Variants in CENPI observed in about 807,000 individuals in gnomAD.
The protein encoded by CENPI is FSH primary response 1.
A neutral mutation model predicts 60.4 loss-of-function variants in CENPI; 4 were observed. The observed-to-expected ratio is 0.07, with a 90% CI of 0.03 to 0.15. CENPI has a LOEUF of 0.15. Ranked by LOEUF, CENPI falls within the 10% of genes least tolerant of loss-of-function variation. The probability of loss-of-function intolerance (pLI) is 1.00; values close to 1 mark genes in which losing one functional copy is unlikely to be tolerated. For missense variants in CENPI, 444 were observed against 534.5 expected, an observed-to-expected ratio of 0.83 and a Z score of 1.67; for synonymous variants, 157 against 189.4, an observed-to-expected ratio of 0.83 and a Z score of 1.40.
downstream of CENPI, among the ~76,000 whole-genome samples, chrX:101,168,775 A>G (rs775350614): frequency 1.8e-5 from 2 of 111,981 alleles, no homozygotes; most frequent in South Asian, 7.5e-4. Flanking sequence ...GGATTAGTCT[A>G]GCCACATCAC....
intron 5 of CENPI, 68 bp from the exon 6 acceptor site, chrX:101,109,823 G>A (rs1026309218): frequency 3.9e-6 from 3 of 763,244 alleles, no homozygotes; most frequent in Non-Finnish European, 5.9e-6. Context: ...CGGGGGACGG[G>A]GGGCGGAATT....
At chrX:101,171,921 C>CA in the CENPI span, among the ~76,000 whole-genome samples, 59 of 111,605 alleles carry the variant, frequency 5.3e-4, no homozygotes, top group Non-Finnish European at 8.7e-4. Context: ...GAAATATTTG[C>CA]AAATCATACC....
At chrX:101,099,381 T>C (rs910568448) in intron 2 of CENPI, among the ~76,000 whole-genome samples, 2 of 104,560 alleles carry the variant, frequency 1.9e-5, no homozygotes, top group African/African-American at 7.1e-5. Context: ...TGAGCCGAGA[T>C]AGAGATTGCG....
chrX:101,138,581 C>T (rs1197385170), intron 15 of CENPI, among the ~76,000 whole-genome samples: 1 of 110,724 alleles, frequency 9.0e-6, no homozygotes, highest in East Asian at 2.8e-4. Context: ...CTGCCTCAGC[C>T]TCACAAAGTG....
At chrX:101,104,590 G>A (rs1172724571) in intron 4 of CENPI, among the ~76,000 whole-genome samples, 2 of 111,583 alleles carry the variant, frequency 1.8e-5, no homozygotes, top group Non-Finnish European at 3.8e-5. Context: ...GCTGGGTATA[G>A]TGGCTCATGC....
At chrX:101,172,474 CAT>C in the CENPI span, among the ~76,000 whole-genome samples, 4 of 109,620 alleles carry the variant, frequency 3.6e-5, no homozygotes, top group Admixed American at 9.7e-5. Flanking sequence ...AAAAAAAAAA[CAT>C]ATATTATGAC....
intron 6 of CENPI, among the ~76,000 whole-genome samples, chrX:101,111,528 T>TAA (rs11443717): frequency 2.1e-4 from 22 of 104,859 alleles, no homozygotes; most frequent in South Asian, 4.1e-4. Context: ...TTCATTGTGG[T>TAA]AAAAAAAAAA....
chrX:101,125,024 C>T (rs1443836833), intron 8 of CENPI, among the ~76,000 whole-genome samples: 1 of 111,305 alleles, frequency 9.0e-6, no homozygotes, highest in Non-Finnish European at 1.9e-5. Context: ...GCCTGGTATC[C>T]GAGTCCAGCT....
At chrX:101,120,715 C>T (rs2089668282) in intron 7 of CENPI, 23 bp from the exon 8 acceptor site, 3 of 1,196,182 alleles carry the variant, frequency 2.5e-6, no homozygotes, top group East Asian at 3.0e-5. Context: ...ATGCATAGTA[C>T]GTCTTTCCTT....
chrX:101,109,373 G>C (rs1022381748), intron 4 of CENPI, 100 bp from the exon 5 acceptor site: 2 of 656,869 alleles, frequency 3.0e-6, no homozygotes, highest in Admixed American at 2.5e-5. Flanking sequence ...GAGCTGCCGC[G>C]CCCAGCCTAA....
At chrX:101,157,031 G>T (rs1347485268) in intron 20 of CENPI, among the ~76,000 whole-genome samples, 1 of 111,407 alleles carries the variant, frequency 9.0e-6, no homozygotes, top group East Asian at 2.8e-4. Context: ...TAGTGGGATT[G>T]CTGGATCAAA....
the CENPI span, among the ~76,000 whole-genome samples, chrX:101,175,061 C>T: frequency 8.9e-6 from 1 of 111,980 alleles, no homozygotes; most frequent in East Asian, 2.8e-4. Context: ...GAACCAAGAT[C>T]GTGCCATTGC....
At chrX:101,178,742 A>G in the CENPI span, among the ~76,000 whole-genome samples, 2 of 111,640 alleles carry the variant, frequency 1.8e-5, no homozygotes, top group East Asian at 2.8e-4. Flanking sequence ...CTTTCACCCT[A>G]TAAGCCACTT....
Position 101,128,970 on chromosome X carries a change from G to A in CENPI, c.1195+134G>A, listed in dbSNP as rs1451500422. ...GTAATCTTATATTTAGAGCATGAAT[G>A]TTTCTGTTGTAATTTTAAGGCAGTA... On this transcript the variant is annotated intron_variant, in intron 12 of 21. Coordinates refer to ENST00000682095, the MANE Select transcript of CENPI (RefSeq NM_001386188.2). The A allele has an allele frequency of 6.3e-5, 34 of 537,827 alleles. No individual in the cohort carries two copies. In the East Asian group the frequency reaches 1.2e-3, roughly 19 times the overall value. 44.3% of individuals were successfully genotyped at this position (537,827 alleles called of 1,213,427 possible). A position where few individuals can be genotyped will look rare whatever the true frequency, so the allele number is the denominator to read the frequency against.
intron 17 of CENPI, among the ~76,000 whole-genome samples, chrX:101,145,646 T>C (rs779557580): frequency 2.8e-5 from 3 of 107,925 alleles, no homozygotes; most frequent in Non-Finnish European, 3.9e-5. Flanking sequence ...GCAAAAGTAA[T>C]TGCAGTTTTT....
At chrX:101,162,473 A>AAATAT (rs1303045267) in intron 21 of CENPI, among the ~76,000 whole-genome samples, 13 of 68,110 alleles carry the variant, frequency 1.9e-4, no homozygotes, top group African/African-American at 9.0e-4. Context: ...AAAAAAAAAA[A>AAATAT]ATATATATAT....
intron 13 of CENPI, among the ~76,000 whole-genome samples, chrX:101,130,401 T>C (rs1359878276): frequency 1.8e-5 from 2 of 112,108 alleles, no homozygotes; most frequent in Non-Finnish European, 3.8e-5. Flanking sequence ...GCCACTGCAC[T>C]GCAGCCTGGG....
intron 2 of CENPI, chrX:101,098,974 C>T (rs1405375986): frequency 8.9e-6 from 1 of 111,820 alleles, no homozygotes; most frequent in Non-Finnish European, 1.9e-5. Context: ...CTGACTTCAT[C>T]GCTCATTACC....
At chrX:101,099,431 C>CA (rs551596409) in intron 2 of CENPI, among the ~76,000 whole-genome samples, 33,457 of 84,384 alleles carry the variant, frequency 0.4, 5,377 homozygotes, top group Middle Eastern at 0.55. Context: ...GAGACTGTCT[C>CA]AAAAAAAAAA....
Sources: allele counts gnomAD v4.1 joint callset (sites outside exome capture counted in the v4.1 genomes callset), GRCh38; gene constraint gnomAD v4.1.1; transcripts MANE v1.5; gene names NCBI Gene and HGNC (gene_info 2026-07-23, HGNC 2026-07-21).